GRB14: variants seen among roughly 807,000 people sequenced by gnomAD.
GRB14 encodes the protein growth factor receptor bound protein 14, also known as growth factor receptor-bound protein 14.
A neutral mutation model predicts 69.1 loss-of-function variants in GRB14; 38 were observed. That is an observed-to-expected ratio of 0.55 (90% confidence interval 0.42 to 0.72). The LOEUF (loss-of-function observed/expected upper bound fraction) is 0.72, where lower values mean the gene tolerates loss of function less well. Ranked by LOEUF, GRB14 falls within the 30% of genes least tolerant of loss-of-function variation. The probability of loss-of-function intolerance (pLI) is 0.00; values close to 1 mark genes in which losing one functional copy is unlikely to be tolerated. For synonymous variants in GRB14, 247 were observed against 241.3 expected, an observed-to-expected ratio of 1.02 and a Z score of -0.22; for missense variants, 666 against 666.1, an observed-to-expected ratio of 1.00 and a Z score of 0.00.
rs187063399 is a variant in GRB14, at chr2:164,551,747, A to C, written c.325-3931T>G. 5.4e-3 allele frequency among the ~76,000 whole-genome samples: 826 copies of C among 152,234 alleles called. 11 individuals are homozygous for C. Among genetic ancestry groups the C allele is most frequent in the African/African-American group, 0.019 (782 of 41,544 alleles). ...CCAGAAAGCCTTCCCTGACTGTCCA[A>C]GGGTTCATAATGCGCCTCTTTTATG... On this transcript the variant is annotated intron_variant, in intron 2 of 13. Transcript: ENST00000263915.
chr2:164,592,807 G>T (rs1161214551), intron 2 of GRB14, among the ~76,000 whole-genome samples: 1 of 152,126 alleles, frequency 6.6e-6, no homozygotes. Flanking sequence ...GTTTATGAAA[G>T]TTGTTCTACA....
chr2:164,494,582 T>C, intron 12 of GRB14, 58 bp from the exon 13 acceptor site: 1 of 914,716 alleles, frequency 1.1e-6, no homozygotes, highest in African/African-American at 1.6e-5. Context: ...TTCATAGAAC[T>C]ATAGCATTAA....
At chr2:164,599,185 C>CA (rs1311913855) in intron 2 of GRB14, among the ~76,000 whole-genome samples, 1 of 152,124 alleles carries the variant, frequency 6.6e-6, no homozygotes, top group Non-Finnish European at 1.5e-5. Flanking sequence ...TCGATATAGT[C>CA]AGAGAGGGCT....
intron 6 of GRB14, 132 bp downstream of exon 6, chr2:164,521,848 C>T (rs1349709009): frequency 2.1e-5 from 16 of 759,484 alleles, no homozygotes; most frequent in Non-Finnish European, 3.3e-5. Flanking sequence ...TCAAGGCAAA[C>T]GTTTTAAATC....
chr2:164,517,677 C>T (rs1171646092), intron 6 of GRB14, among the ~76,000 whole-genome samples: 1 of 152,052 alleles, frequency 6.6e-6, no homozygotes, highest in Non-Finnish European at 1.5e-5. Flanking sequence ...AAAAAACATT[C>T]CATGCAAATG....
chr2:164,497,735 G>T (rs1686941155), intron 9 of GRB14, among the ~76,000 whole-genome samples: 1 of 152,128 alleles, frequency 6.6e-6, no homozygotes, highest in South Asian at 2.1e-4. Context: ...TAAGGTAATT[G>T]AAGAGTTGAA....
At chr2:164,596,839 G>A (rs902068898) in intron 2 of GRB14, among the ~76,000 whole-genome samples, 2 of 151,892 alleles carry the variant, frequency 1.3e-5, no homozygotes, top group African/African-American at 2.4e-5. Context: ...AGCTGGAACC[G>A]TCACTCACTG....
rs536644865 is a variant in GRB14 at position 164,494,174 on chromosome 2, C to T, written c.1476+257G>A. Among the ~76,000 whole-genome samples, 13 of 152,188 alleles carry T rather than the reference C, an allele frequency of 8.5e-5. 1 individual carries two copies. Among genetic ancestry groups the T allele is most frequent in the Middle Eastern group, 6.8e-3 (2 of 294 alleles). ...CTTTTAACAATAGGTGGCATGGGGT[C>T]TATACAATATTGCTAAATCATATTT... On this transcript the variant is annotated intron_variant, in intron 13 of 13. Transcript: ENST00000263915.
At chr2:164,594,975 A>T (rs756393726) in intron 2 of GRB14, among the ~76,000 whole-genome samples, 26 of 152,204 alleles carry the variant, frequency 1.7e-4, no homozygotes, top group Non-Finnish European at 3.2e-4. Flanking sequence ...AACAGACAAT[A>T]TTAGACCCTG....
At chr2:164,535,907 C>T (rs1420378961) in intron 3 of GRB14, among the ~76,000 whole-genome samples, 2 of 152,162 alleles carry the variant, frequency 1.3e-5, no homozygotes, top group Non-Finnish European at 2.9e-5. Context: ...TAACTCCGAC[C>T]CAACCATTGG....
chr2:164,508,102 T>A (rs1181159535), intron 8 of GRB14, among the ~76,000 whole-genome samples: 3 of 152,194 alleles, frequency 2.0e-5, no homozygotes, highest in Non-Finnish European at 4.4e-5. Flanking sequence ...CATTTTAAAA[T>A]ACACTTTACC....
intron 3 of GRB14, among the ~76,000 whole-genome samples, chr2:164,531,186 C>G (rs1425253137): frequency 1.3e-5 from 2 of 152,208 alleles, no homozygotes; most frequent in African/African-American, 2.4e-5. Context: ...ACTGGAGGGA[C>G]ATCCAGTGAT....
chr2:164,566,575 G>A (rs914717348), intron 2 of GRB14, among the ~76,000 whole-genome samples: 14 of 152,026 alleles, frequency 9.2e-5, no homozygotes, highest in South Asian at 4.1e-4. Context: ...AATAACCACC[G>A]CTTTCCAGAG....
chr2:164,607,843 A>G (rs956233199), intron 2 of GRB14, among the ~76,000 whole-genome samples: 1 of 152,320 alleles, frequency 6.6e-6, no homozygotes, highest in African/African-American at 2.4e-5. Context: ...TACCTTGGCC[A>G]AACCAAAAGT....
At chr2:164,605,752 G>A (rs1287597032) in intron 2 of GRB14, among the ~76,000 whole-genome samples, 3 of 152,160 alleles carry the variant, frequency 2.0e-5, no homozygotes, top group African/African-American at 7.2e-5. Context: ...GAAAAGTAAA[G>A]TAGGAAAATA....
intron 9 of GRB14, among the ~76,000 whole-genome samples, chr2:164,499,107 C>CTCAA (rs1358776122): frequency 6.6e-6 from 1 of 152,066 alleles, no homozygotes; most frequent in Non-Finnish European, 1.5e-5. Context: ...AGTAAGCTTC[C>CTCAA]TCAATCATAA....
chr2:164,586,055 G>C (rs558632735), intron 2 of GRB14, among the ~76,000 whole-genome samples: 1 of 152,224 alleles, frequency 6.6e-6, no homozygotes, highest in Admixed American at 6.5e-5. Flanking sequence ...CATGTGCTTT[G>C]GGGCATACAT....
At chr2:164,520,964 G>T (rs1016130334) in intron 6 of GRB14, among the ~76,000 whole-genome samples, 1 of 152,126 alleles carries the variant, frequency 6.6e-6, no homozygotes, top group African/African-American at 2.4e-5. Context: ...ATTCCTTAAA[G>T]AACTAAAAGT....
chr2:164,500,101 C>T (rs1162922111), intron 9 of GRB14, among the ~76,000 whole-genome samples: 2 of 152,104 alleles, frequency 1.3e-5, no homozygotes, highest in East Asian at 1.9e-4. Context: ...AAAAGTGAAG[C>T]ATAAAAAGAG....
Sources: gnomAD v4.1 joint callset for allele counts (sites outside exome capture counted in the v4.1 genomes callset) on GRCh38, gnomAD v4.1.1 for gene constraint, MANE v1.5 for transcripts, NCBI Gene and HGNC (gene_info 2026-07-23, HGNC 2026-07-21) for gene names.